Variants in PDZD2 observed in about 807,000 individuals in gnomAD.
PDZD2 encodes PDZ domain containing 2.
PDZD2 carries 90 observed loss-of-function variants against 220.7 expected under a neutral mutation model. The observed-to-expected ratio is 0.41, with a 90% CI of 0.34 to 0.49. The LOEUF (loss-of-function observed/expected upper bound fraction) is 0.49. PDZD2 is among the 20% of genes least tolerant of loss of function. The pLI is 0.28. For synonymous variants in PDZD2, 1,375 were observed against 1,450.5 expected (o/e 0.95, Z 1.18); for missense variants, 3,174 against 3,608.5 (o/e 0.88, Z 3.08).
At chr5:31,677,238 G>A (rs778691524) in intron 1 of PDZD2, among the ~76,000 whole-genome samples, 5 of 152,210 alleles carry the variant, frequency 3.3e-5, no homozygotes, top group Non-Finnish European at 7.3e-5. Context: ...CCCTAGCCTT[G>A]CACTGGGTTT....
chr5:31,815,481 T>C (rs1040048033), intron 2 of PDZD2, among the ~76,000 whole-genome samples: 13 of 152,194 alleles, frequency 8.5e-5, no homozygotes, highest in African/African-American at 2.9e-4. Flanking sequence ...GTGCCTGCTG[T>C]CTGTCATGTG....
intron 6 of PDZD2, among the ~76,000 whole-genome samples, chr5:32,013,122 G>A (rs908712126): frequency 5.3e-5 from 8 of 151,788 alleles, no homozygotes; most frequent in Non-Finnish European, 1.0e-4. Flanking sequence ...CTTATGAAAC[G>A]CTATGGTCTT....
intron 13 of PDZD2, among the ~76,000 whole-genome samples, 173 bp downstream of exon 13, chr5:32,059,529 TA>T (rs1324657724): frequency 6.6e-6 from 1 of 152,244 alleles, no homozygotes; most frequent in Non-Finnish European, 1.5e-5. Context: ...AATGTTAATA[TA>T]AATGAAATTT....
At chr5:31,647,822 G>C (rs1036371870) in intron 1 of PDZD2, among the ~76,000 whole-genome samples, 1 of 152,166 alleles carries the variant, frequency 6.6e-6, no homozygotes, top group Non-Finnish European at 1.5e-5. Context: ...AACCCCTTTT[G>C]TGATGGAAAA....
In PDZD2 at chr5:32,023,346, T is replaced by C. The variant is rs556679485; in HGVS notation, c.1407+12864T>C. ...TCCCAGACAGCCTCTCCTTCCTCCT[T>C]CTCCAAGCCACGTTCTCTCATTGCA... On this transcript the variant is annotated intron_variant, in intron 6 of 24. Transcript: ENST00000438447. Among the ~76,000 whole-genome samples the C allele has an allele frequency of 2.0e-5, 3 of 152,034 alleles. No homozygotes were observed. The South Asian group carries it at 6.2e-4, about 32-fold the overall frequency.
chr5:31,816,287 C>CAAAAAAAAAAAAAAAAAAAAAAAA (rs34233316), intron 2 of PDZD2, among the ~76,000 whole-genome samples: 21 of 99,022 alleles, frequency 2.1e-4, no homozygotes, highest in South Asian at 3.0e-4. Flanking sequence ...GACTCCATCT[C>CAAAAAAAAAAAAAAAAAAAAAAAA]AAAAAAAAAA....
intron 2 of PDZD2, among the ~76,000 whole-genome samples, chr5:31,941,625 G>T (rs139373474): frequency 1.3e-5 from 2 of 152,286 alleles, no homozygotes; most frequent in Non-Finnish European, 2.9e-5. Flanking sequence ...TGAAATGTAC[G>T]TACTTGGGGA....
intron 1 of PDZD2, among the ~76,000 whole-genome samples, chr5:31,716,956 G>A (rs1380285744): frequency 3.9e-5 from 6 of 152,048 alleles, no homozygotes; most frequent in South Asian, 2.1e-4. Flanking sequence ...GTGGGGTGGC[G>A]GTGAGAGGGG....
In PDZD2 at chr5:31,850,243, T is replaced by C. The variant is rs191289380; in HGVS notation, c.476+50519T>C. 3.0e-3 allele frequency among the ~76,000 whole-genome samples: 366 copies of C among 122,204 alleles called. 10 individuals carry two copies. The highest frequency in any genetic ancestry group is 0.017 in the South Asian group (65 of 3,906). The allele number at this position is 122,204 out of a possible 152,430, so 80.2% of individuals were successfully genotyped here. ...ATATATAAGTATATATATATATATA[T>C]ACACACACACACACACACATATATA... is the stretch of plus-strand genomic sequence containing the variant. On this transcript the variant is annotated intron_variant, in intron 2 of 24. Transcript: ENST00000438447.
chr5:31,826,243 G>A (rs1056735501), intron 2 of PDZD2, among the ~76,000 whole-genome samples: 2 of 152,140 alleles, frequency 1.3e-5, no homozygotes, highest in African/African-American at 4.8e-5. Context: ...GCTCCACAGG[G>A]AAGAAGTTTT....
At chr5:31,832,832 G>T (rs961909417) in intron 2 of PDZD2, among the ~76,000 whole-genome samples, 3 of 152,058 alleles carry the variant, frequency 2.0e-5, no homozygotes, top group African/African-American at 7.2e-5. Context: ...AATTAAAATG[G>T]TCAATTTTAT....
intron 19 of PDZD2, among the ~76,000 whole-genome samples, chr5:32,085,070 T>A (rs1007781789): frequency 1.4e-5 from 2 of 146,294 alleles, no homozygotes; most frequent in Non-Finnish European, 3.0e-5. Context: ...ATCTCGTGCC[T>A]CAGCCTCCCA....
chr5:32,105,850 A>G (rs1299166392), intron 24 of PDZD2, among the ~76,000 whole-genome samples: 1 of 152,222 alleles, frequency 6.6e-6, no homozygotes, highest in African/African-American at 2.4e-5. Flanking sequence ...AGGAAATCCA[A>G]AATAGCAGTG....
Position 32,087,614 on chromosome 5 carries a change from C to G in PDZD2, c.4166C>G (p.Ala1389Gly). ...LEGADSVSSR[A>G]PQASLSMLPS... The stretch of plus-strand genomic sequence containing the variant: ...GGAGCAGATTCTGTGTCCTCAAGGG[C>G]ACCGCAGGCCAGCCTCTCCATGCTG... The change falls in exon 20 of 25, where the codon GCA becomes GGA. Residue 1389 changes from alanine (A) to glycine (G), a missense_variant. Ala to Gly is a moderately conservative substitution (Grantham distance 60). Around this residue, in one of 4 missense-constraint regions of PDZD2, gnomAD observed 1,861 missense variants for 2,001.0 expected, o/e 0.93. Coordinates refer to ENST00000438447, the MANE Select transcript of PDZD2 (RefSeq NM_178140.4). The surrounding 1 kb of genome is among the most constrained non-coding windows in gnomAD (Gnocchi z 4.0). 6.2e-7 allele frequency: 1 copy of G among 1,614,124 alleles called. No homozygotes were observed. The highest frequency in any genetic ancestry group is 1.1e-5 in the South Asian group (1 of 91,082).
Position 32,053,889 on chromosome 5 carries a change from G to T in PDZD2, c.1900+6G>T. The T allele has an allele frequency of 6.7e-7, 1 of 1,496,176 alleles. No homozygotes were observed. The highest frequency in any genetic ancestry group is 1.1e-5 in the South Asian group (1 of 88,718). The allele number at this position is 1,496,176 out of a possible 1,614,324, so 92.7% of individuals were successfully genotyped here. A position where few individuals can be genotyped will look rare whatever the true frequency, so the allele number is the denominator to read the frequency against. On this transcript the variant is annotated splice_donor_region_variant and intron_variant, in intron 10 of 24. Coordinates refer to ENST00000438447, the MANE Select transcript of PDZD2 (RefSeq NM_178140.4). ...GGACGGAAGACTTAAAGAAGGTAGG[G>T]GAAAGCCTCTTGTATCCTCAGTGAC... is the stretch of plus-strand genomic sequence containing the variant.
At chr5:31,886,991 G>T (rs748433365) in intron 2 of PDZD2, among the ~76,000 whole-genome samples, 1 of 152,164 alleles carries the variant, frequency 6.6e-6, no homozygotes, top group African/African-American at 2.4e-5. Flanking sequence ...GAGCCACCAC[G>T]CCTGGTCTCT....
At chr5:31,871,568 A>AG (rs1738797636) in intron 2 of PDZD2, among the ~76,000 whole-genome samples, 1 of 151,818 alleles carries the variant, frequency 6.6e-6, no homozygotes, top group Admixed American at 6.6e-5. Context: ...CTCCTGCCTC[A>AG]GCCTCCTGAG....
At chr5:31,810,793 GA>G (rs539817916) in intron 2 of PDZD2, among the ~76,000 whole-genome samples, 123 of 152,324 alleles carry the variant, frequency 8.1e-4, no homozygotes, top group Non-Finnish European at 1.3e-3. Context: ...CCTCTTGCTG[GA>G]GGACAACAAT....
At chr5:32,030,586 T>A (rs1755042048) in intron 6 of PDZD2, among the ~76,000 whole-genome samples, 1 of 152,216 alleles carries the variant, frequency 6.6e-6, no homozygotes, top group South Asian at 2.1e-4. Context: ...AAAAAGTATT[T>A]CTACTGTTTC....
Sources: allele counts gnomAD v4.1 joint callset (sites outside exome capture counted in the v4.1 genomes callset), GRCh38; gene constraint gnomAD v4.1.1; regional missense constraint gnomAD v4.1.1; non-coding constraint Gnocchi (gnomAD v3.1); transcripts MANE v1.5; gene names NCBI Gene and HGNC (gene_info 2026-07-23, HGNC 2026-07-21).